The following CCNJL variants were observed in gnomAD, a reference collection of about 807,000 sequenced individuals.
CCNJL encodes the protein cyclin-J-like protein.
CCNJL carries 33 observed loss-of-function variants against 33.4 expected under a neutral mutation model. The observed-to-expected ratio is 0.99, with a 90% CI of 0.75 to 1.32. The LOEUF (loss-of-function observed/expected upper bound fraction) is 1.32, where lower values mean the gene tolerates loss of function less well. CCNJL is among the 40% of genes most tolerant of loss of function. The probability of loss-of-function intolerance (pLI) is 0.00; values close to 1 mark genes in which losing one functional copy is unlikely to be tolerated. For synonymous variants in CCNJL, 227 were observed against 220.9 expected (o/e 1.03, Z -0.24); for missense variants, 512 against 499.7 (o/e 1.02, Z -0.23).
chr5:160,308,675 G>A (rs879424573), intron 2 of CCNJL, among the ~76,000 whole-genome samples: 2 of 152,210 alleles, frequency 1.3e-5, no homozygotes, highest in Non-Finnish European at 2.9e-5. Flanking sequence ...GGAGAATGGT[G>A]TGAACCCGGG....
chr5:160,303,167 AATAG>A (rs1388103227), intron 2 of CCNJL, among the ~76,000 whole-genome samples: 3 of 152,330 alleles, frequency 2.0e-5, no homozygotes, highest in African/African-American at 4.8e-5. Flanking sequence ...GTATATGGGA[AATAG>A]ATAAAGTGTT....
chr5:160,320,790 TTTCTTTCTTTCTTTCTTTCTTTC>T (rs1763432327), intron 1 of CCNJL, among the ~76,000 whole-genome samples: 1 of 34,204 alleles, frequency 2.9e-5, no homozygotes, highest in Admixed American at 3.3e-4. Flanking sequence ...CTTTCTTTCC[TTTCTTTCTTTCTTTCTTTCTTTC>T]TTTCTTTCTT....
At chr5:160,314,025 C>T (rs1386566803), upstream of CCNJL, among the ~76,000 whole-genome samples, 1 of 152,058 alleles carries the variant, frequency 6.6e-6, no homozygotes, top group Non-Finnish European at 1.5e-5. Context: ...AAAAATTAGC[C>T]GAGTGTGGTG....
intron 1 of CCNJL, among the ~76,000 whole-genome samples, chr5:160,320,845 CTTTCCTTCT>C (rs1561812535): frequency 5.2e-3 from 427 of 81,818 alleles, no homozygotes; most frequent in Non-Finnish European, 6.4e-3. Context: ...TTCTTTCTTT[CTTTCCTTCT>C]TTCTTTCTTT....
At position 160,256,180 on chromosome 5, in the gene CCNJL, C is replaced by T. The variant is rs114600534; in HGVS notation, c.584-472G>A. Among the ~76,000 whole-genome samples, 1,268 of 152,312 alleles carry T rather than the reference C, an allele frequency of 8.3e-3. 20 individuals are homozygous for T. Among genetic ancestry groups the T allele is most frequent in the African/African-American group, 0.028 (1,162 of 41,564 alleles). ...CTGGGATTACAGGTGTGAGCCACCA[C>T]GCTCAGACCAGTCTGAGATTTCTGA... On this transcript the variant is annotated intron_variant, in intron 4 of 5. Transcript: ENST00000257536.
intron 2 of CCNJL, among the ~76,000 whole-genome samples, chr5:160,282,143 CTT>C (rs1433725839): frequency 6.6e-6 from 1 of 152,224 alleles, no homozygotes; most frequent in East Asian, 1.9e-4. Flanking sequence ...AAACCTCTCT[CTT>C]AACCCTGGGG....
intron 1 of CCNJL, among the ~76,000 whole-genome samples, chr5:160,320,841 CTTTCTTTCCTT>C (rs1763438115): frequency 1.0e-5 from 1 of 99,792 alleles, no homozygotes; most frequent in Non-Finnish European, 2.3e-5. Context: ...TTCTTTCTTT[CTTTCTTTCCTT>C]CTTTCTTTCT....
intron 2 of CCNJL, among the ~76,000 whole-genome samples, chr5:160,287,707 C>T (rs1343827526): frequency 6.6e-6 from 1 of 152,228 alleles, no homozygotes. Context: ...AAAAGAGCAG[C>T]CTGCCCTAGG....
intron 4 of CCNJL, 42 bp from the exon 5 acceptor site, chr5:160,255,750 C>CCT (rs760386903): frequency 6.3e-7 from 1 of 1,583,158 alleles, no homozygotes; most frequent in Non-Finnish European, 8.7e-7. Flanking sequence ...CAAATCCTCC[C>CCT]CTTGGAATCC....
intron 3 of CCNJL, among the ~76,000 whole-genome samples, chr5:160,267,374 G>T (rs912187224): frequency 6.6e-6 from 1 of 152,112 alleles, no homozygotes; most frequent in Non-Finnish European, 1.5e-5. Context: ...AGCTGATAAG[G>T]GACAAAGCAG....
chr5:160,271,107 C>T (rs1761818940), intron 3 of CCNJL, among the ~76,000 whole-genome samples: 1 of 152,134 alleles, frequency 6.6e-6, no homozygotes, highest in South Asian at 2.1e-4. Flanking sequence ...GGTAAATGCT[C>T]CACACATAAA....
Position 160,320,855 on chromosome 5 carries a change from TTCTTTCTTTCTTTCTC to T in CCNJL, n.207-5366_207-5351del, listed in dbSNP as rs1235494397. Among the ~76,000 whole-genome samples the T allele has an allele frequency of 4.4e-3, 586 of 132,804 alleles. 8 individuals are homozygous for T. The highest frequency in any genetic ancestry group is 0.016 in the African/African-American group (562 of 35,188). The allele number at this position is 132,804 out of a possible 152,430, so 87.1% of individuals were successfully genotyped here. A position where few individuals can be genotyped will look rare whatever the true frequency, so the allele number is the denominator to read the frequency against. On this transcript the variant is annotated intron_variant and non_coding_transcript_variant, in intron 1 of 7. Transcript: ENST00000377503. ...TTTCTTTCTTTCTTTCTTTCCTTCT[TTCTTTCTTTCTTTCTC>T]TCTTTCTTTCTTTTTCTTTCTTTCT...
intron 1 of CCNJL, among the ~76,000 whole-genome samples, chr5:160,320,829 C>CTT (rs374598149): frequency 8.4e-6 from 1 of 119,642 alleles, no homozygotes; most frequent in African/African-American, 3.2e-5. Flanking sequence ...TTCTTTCTTT[C>CTT]TTTCTTTCTT....
At chr5:160,283,667 A>T (rs1308087591) in intron 2 of CCNJL, among the ~76,000 whole-genome samples, 1 of 152,162 alleles carries the variant, frequency 6.6e-6, no homozygotes, top group African/African-American at 2.4e-5. Context: ...TGTACAATTA[A>T]GATATTGATT....
At chr5:160,298,749 T>G (rs1310149099) in intron 2 of CCNJL, among the ~76,000 whole-genome samples, 1 of 152,150 alleles carries the variant, frequency 6.6e-6, no homozygotes, top group Non-Finnish European at 1.5e-5. Flanking sequence ...CTAAAGCATA[T>G]TATAATCCCA....
At chr5:160,317,761 G>C (rs1242377701), upstream of CCNJL, among the ~76,000 whole-genome samples, 1 of 152,148 alleles carries the variant, frequency 6.6e-6, no homozygotes, top group African/African-American at 2.4e-5. Flanking sequence ...GGGATGGCTT[G>C]AAACAAGAGA....
intron 2 of CCNJL, among the ~76,000 whole-genome samples, chr5:160,286,562 C>T (rs906135805): frequency 2.0e-5 from 3 of 151,912 alleles, no homozygotes; most frequent in Admixed American, 6.6e-5. Flanking sequence ...CACTTGAACC[C>T]GGGAAGCAGA....
intron 2 of CCNJL, among the ~76,000 whole-genome samples, chr5:160,290,164 T>C (rs1762537484): frequency 6.6e-6 from 1 of 152,230 alleles, no homozygotes; most frequent in South Asian, 2.1e-4. Flanking sequence ...TTTAGTGTCC[T>C]GCACTGCATT....
chr5:160,265,968 A>C (rs890902788), intron 3 of CCNJL, among the ~76,000 whole-genome samples: 6 of 152,208 alleles, frequency 3.9e-5, no homozygotes, highest in African/African-American at 1.4e-4. Flanking sequence ...TCCTCATTTT[A>C]TCTGAGAATG....
Sources: allele counts gnomAD v4.1 joint callset (sites outside exome capture counted in the v4.1 genomes callset), GRCh38; gene constraint gnomAD v4.1.1; transcripts MANE v1.5; gene names NCBI Gene and HGNC (gene_info 2026-07-23, HGNC 2026-07-21).